SAMD4A: variants seen among roughly 807,000 people sequenced by gnomAD.
SAMD4A encodes the protein sterile alpha motif domain containing 4A.
A neutral mutation model predicts 81.3 loss-of-function variants in SAMD4A; 33 were observed. The observed-to-expected ratio is 0.41, with a 90% CI of 0.31 to 0.54. SAMD4A has a LOEUF of 0.54. Ranked by LOEUF, SAMD4A falls within the 20% of genes least tolerant of loss-of-function variation. The pLI, the probability that SAMD4A is intolerant of heterozygous loss-of-function variation, is 0.37. For synonymous variants in SAMD4A, 389 were observed against 382.1 expected (o/e 1.02, Z -0.21); for missense variants, 854 against 951.1 (o/e 0.90, Z 1.34).
At chr14:54,648,301 A>G (rs1482468333) in intron 2 of SAMD4A, among the ~76,000 whole-genome samples, 4 of 152,202 alleles carry the variant, frequency 2.6e-5, no homozygotes, top group Non-Finnish European at 5.9e-5. Flanking sequence ...GGAGGAGGAA[A>G]GGGCAGATTG....
intron 3 of SAMD4A, among the ~76,000 whole-genome samples, chr14:54,725,702 T>C (rs912755882): frequency 1.3e-5 from 2 of 152,244 alleles, no homozygotes; most frequent in African/African-American, 4.8e-5. Flanking sequence ...CACTTTACAA[T>C]ATGCAAAACA....
chr14:54,636,632 G>T (rs2035041580), intron 2 of SAMD4A, among the ~76,000 whole-genome samples: 1 of 152,172 alleles, frequency 6.6e-6, no homozygotes, highest in Non-Finnish European at 1.5e-5. Context: ...GGTGAAAGTG[G>T]TCGTGCTCTG....
intron 2 of SAMD4A, among the ~76,000 whole-genome samples, chr14:54,575,501 C>G (rs533690539): frequency 6.6e-6 from 1 of 152,276 alleles, no homozygotes; most frequent in African/African-American, 2.4e-5. Context: ...TTTCTTAGCT[C>G]TGGCGGTGGG....
chr14:54,687,800 T>A (rs1225007263), intron 2 of SAMD4A, among the ~76,000 whole-genome samples: 1 of 152,118 alleles, frequency 6.6e-6, no homozygotes, highest in African/African-American at 2.4e-5. Context: ...ATGTTTGAGA[T>A]GTAAAATGTT....
At chr14:54,571,328 G>A (rs1273665102) in intron 2 of SAMD4A, among the ~76,000 whole-genome samples, 1 of 152,084 alleles carries the variant, frequency 6.6e-6, no homozygotes, top group East Asian at 1.9e-4. Context: ...GTACAGTCTT[G>A]TTCCCAGGAT....
At chr14:54,684,164 CT>C in intron 2 of SAMD4A, among the ~76,000 whole-genome samples, 1 of 152,260 alleles carries the variant, frequency 6.6e-6, no homozygotes, top group East Asian at 1.9e-4. Context: ...AGGGTGCTAC[CT>C]TAAAGCCATT....
At chr14:54,750,939 C>A (rs1252203679) in intron 5 of SAMD4A, among the ~76,000 whole-genome samples, 1 of 152,138 alleles carries the variant, frequency 6.6e-6, no homozygotes, top group East Asian at 1.9e-4. Context: ...TCAAAAGACA[C>A]GGGCAAATAT....
chr14:54,619,305 A>G (rs534953162), intron 2 of SAMD4A, among the ~76,000 whole-genome samples: 145 of 152,296 alleles, frequency 9.5e-4, no homozygotes, highest in African/African-American at 3.4e-3. Flanking sequence ...AAATTCTTTA[A>G]TCCCTCGGGG....
At chr14:54,748,779 T>C in intron 4 of SAMD4A, 36 bp from the exon 5 acceptor site, 2 of 1,390,726 alleles carry the variant, frequency 1.4e-6, no homozygotes, top group Non-Finnish European at 2.0e-6. Flanking sequence ...TTCCCTCTCA[T>C]TTCTCTCCCC....
intron 7 of SAMD4A, among the ~76,000 whole-genome samples, chr14:54,762,979 C>T (rs536240965): frequency 3.3e-5 from 5 of 151,864 alleles, no homozygotes; most frequent in East Asian, 3.9e-4. Context: ...CTCAGCCTCC[C>T]GAGTAATTGG....
chr14:54,673,770 T>C (rs2035934285), intron 2 of SAMD4A, among the ~76,000 whole-genome samples: 1 of 152,252 alleles, frequency 6.6e-6, no homozygotes, highest in Non-Finnish European at 1.5e-5. Flanking sequence ...AGCCTAGCAC[T>C]TCTTCCGGTC....
intron 8 of SAMD4A, 40 bp downstream of exon 8, chr14:54,764,580 T>A (rs1304544317): frequency 7.6e-7 from 1 of 1,319,150 alleles, no homozygotes; most frequent in Non-Finnish European, 1.1e-6. Flanking sequence ...TTTTTTTTTA[T>A]TGCTTAGAAA....
intron 2 of SAMD4A, among the ~76,000 whole-genome samples, chr14:54,606,212 T>TGTGTGTGTGTGTGTGC (rs1051852191): frequency 6.0e-5 from 9 of 150,370 alleles, no homozygotes; most frequent in African/African-American, 2.2e-4. Flanking sequence ...TGTGTGTGTG[T>TGTGTGTGTGTGTGTGC]GCGTGCACGT....
Position 54,622,148 on chromosome 14 carries a change from G to A in SAMD4A, c.196+54036G>A, listed in dbSNP as rs1594744981. On this transcript the variant is annotated intron_variant, in intron 2 of 12. Transcript: ENST00000554335. ...ACACCAGGATAAGTCTTGTTAATGG[G>A]GAGAAAAGCATTTTTCTTTATATTA... Among the ~76,000 whole-genome samples the A allele has an allele frequency of 2.0e-5, 3 of 152,024 alleles. No homozygotes were observed. In the South Asian group the frequency reaches 6.2e-4, roughly 32 times the overall value.
intron 2 of SAMD4A, among the ~76,000 whole-genome samples, chr14:54,633,895 T>C (rs2034965166): frequency 6.6e-6 from 1 of 152,122 alleles, no homozygotes; most frequent in African/African-American, 2.4e-5. Flanking sequence ...ATGGGGAAGA[T>C]TGGAAGTGTT....
chr14:54,682,092 C>T, intron 2 of SAMD4A: 1 of 978,218 alleles, frequency 1.0e-6, no homozygotes, highest in Non-Finnish European at 1.2e-6. Context: ...TCAGGAATCT[C>T]CGGATCCCTG....
intron 3 of SAMD4A, among the ~76,000 whole-genome samples, chr14:54,720,983 G>C (rs547221077): frequency 2.0e-5 from 3 of 152,276 alleles, no homozygotes; most frequent in Admixed American, 2.0e-4. Context: ...TTGACTTCAA[G>C]TGGTCTGCTG....
intron 2 of SAMD4A, among the ~76,000 whole-genome samples, chr14:54,619,275 C>T (rs890842615): frequency 1.3e-5 from 2 of 152,148 alleles, no homozygotes; most frequent in African/African-American, 4.8e-5. Context: ...TTCTTTTCAT[C>T]CTATCCAAAA....
Position 54,570,136 on chromosome 14 carries a change from C to T in SAMD4A, c.196+2024C>T, listed in dbSNP as rs183774293. On this transcript the variant is annotated intron_variant, in intron 2 of 12. Transcript: ENST00000554335. ...GTCTCCAGTTTCTGGATTAATCCTTCGCCTAGACGTTTTGCCTGCATGGAA... is the reference window on the plus strand; with the variant it reads ...GTCTCCAGTTTCTGGATTAATCCTTTGCCTAGACGTTTTGCCTGCATGGAA... Among the ~76,000 whole-genome samples, 793 of 152,272 alleles carry T rather than the reference C, an allele frequency of 5.2e-3. 5 individuals are homozygous for T. The highest frequency in any genetic ancestry group is 8.6e-3 in the Non-Finnish European group (587 of 68,032).
Sources: allele counts gnomAD v4.1 joint callset (sites outside exome capture counted in the v4.1 genomes callset), GRCh38; gene constraint gnomAD v4.1.1; transcripts MANE v1.5; gene names NCBI Gene and HGNC (gene_info 2026-07-23, HGNC 2026-07-21).